CCDC93: variants seen among roughly 807,000 people sequenced by gnomAD.
CCDC93 encodes coiled-coil domain-containing protein 93.
Under a neutral mutation model 108.2 loss-of-function variants are expected in CCDC93, and 61 were observed. The ratio of observed to expected loss-of-function variants is 0.56; its 90% CI spans 0.46 to 0.70. The LOEUF (loss-of-function observed/expected upper bound fraction) is 0.70. Among genes scored for constraint, CCDC93 ranks in the 30% least tolerant of loss-of-function variants. The pLI, the probability that CCDC93 is intolerant of heterozygous loss-of-function variation, is 0.00. For missense variants in CCDC93, 685 were observed against 764.2 expected (o/e 0.90, Z 1.22); for synonymous variants, 276 against 260.4 (o/e 1.06, Z -0.58).
chr2:117,977,633 C>G (rs571169540), intron 8 of CCDC93, among the ~76,000 whole-genome samples: 1 of 152,218 alleles, frequency 6.6e-6, no homozygotes, highest in African/African-American at 2.4e-5. Flanking sequence ...CAGCTGTGCT[C>G]TACCTAACAT....
chr2:117,981,202 T>C (rs1024927266), intron 7 of CCDC93, among the ~76,000 whole-genome samples: 1 of 152,252 alleles, frequency 6.6e-6, no homozygotes, highest in African/African-American at 2.4e-5. Flanking sequence ...AATATTCATG[T>C]ACAGCTTCAT....
intron 22 of CCDC93, among the ~76,000 whole-genome samples, chr2:117,932,222 T>C (rs536852158): frequency 9.2e-5 from 14 of 152,226 alleles, no homozygotes; most frequent in Non-Finnish European, 1.8e-4. Context: ...ACCGGGTGCC[T>C]GACTCATGGC....
intron 12 of CCDC93, among the ~76,000 whole-genome samples, chr2:117,954,775 C>A (rs1007237417): frequency 6.6e-6 from 1 of 152,170 alleles, no homozygotes; most frequent in Non-Finnish European, 1.5e-5. Flanking sequence ...CCCCACGTGT[C>A]GTGGGAGGGA....
intron 11 of CCDC93, among the ~76,000 whole-genome samples, chr2:117,959,979 A>G (rs1007071387): frequency 6.6e-6 from 1 of 152,224 alleles, no homozygotes; most frequent in African/African-American, 2.4e-5. Context: ...ACTCTAAATC[A>G]CTTACAAAAA....
At chr2:117,945,818 T>C (rs1447203038) in intron 16 of CCDC93, among the ~76,000 whole-genome samples, 1 of 152,222 alleles carries the variant, frequency 6.6e-6, no homozygotes, top group Non-Finnish European at 1.5e-5. Context: ...GTAAACCGTA[T>C]AGCTCTTTTT....
chr2:117,925,165 A>G (rs985330930), intron 23 of CCDC93, among the ~76,000 whole-genome samples: 1 of 152,236 alleles, frequency 6.6e-6, no homozygotes, highest in African/African-American at 2.4e-5. Flanking sequence ...CACTGCAAAA[A>G]CATGCCAAAT....
rs1187155108 is a variant in CCDC93, at chr2:117,917,338, G to A, written c.*3005C>T. ...AGGTCCCGGGCATGGCACTTTGTGA[G>A]GTAGTAAAAGGACTGTCTGAAGGTC... is the stretch of plus-strand genomic sequence containing the variant. On this transcript the variant is annotated 3_prime_UTR_variant, in exon 24 of 24. Transcript: ENST00000376300. The A allele has an allele frequency of 6.6e-6, 1 of 152,660 alleles. No individual in the cohort carries two copies. Among genetic ancestry groups the A allele is most frequent in the Non-Finnish European group, 1.5e-5 (1 of 68,114 alleles). The allele number at this position is 152,660 out of a possible 1,614,324, so 9.5% of individuals were successfully genotyped here.
At chr2:117,961,347 A>G (rs1558784258) in intron 11 of CCDC93, among the ~76,000 whole-genome samples, 1 of 152,180 alleles carries the variant, frequency 6.6e-6, no homozygotes, top group Non-Finnish European at 1.5e-5. Context: ...ATTGGTAGGT[A>G]ATAATTCTTA....
intron 12 of CCDC93, among the ~76,000 whole-genome samples, chr2:117,957,928 C>G (rs1385374573): frequency 1.3e-5 from 2 of 150,918 alleles, no homozygotes; most frequent in Non-Finnish European, 2.9e-5. Context: ...GTGGTAACTT[C>G]TCATTAGAAG....
Position 117,973,772 on chromosome 2 carries a change from A to G in CCDC93, c.888+136T>C, listed in dbSNP as rs544820374. On this transcript the variant is annotated intron_variant, in intron 11 of 23. Transcript: ENST00000376300. Reference sequence around the variant, plus strand: ...TAGCCGGTTGTGCATGGTAAAGCCCAGTGTGTTTCTGACTAACGTGGCTGG... The same window carrying G: ...TAGCCGGTTGTGCATGGTAAAGCCCGGTGTGTTTCTGACTAACGTGGCTGG... 9 of 689,668 alleles carry G rather than the reference A, an allele frequency of 1.3e-5. No homozygotes were observed. In the African/African-American group the frequency reaches 1.4e-4, roughly 11 times the overall value. The allele number at this position is 689,668 out of a possible 1,614,324, so 42.7% of individuals were successfully genotyped here.
chr2:117,966,243 G>A lies in CCDC93; in HGVS notation c.888+7665C>T, dbSNP rs151054395. 3.5e-3 allele frequency among the ~76,000 whole-genome samples: 538 copies of A among 152,312 alleles called. 5 individuals carry two copies. The highest frequency in any genetic ancestry group is 0.012 in the African/African-American group (519 of 41,574). On this transcript the variant is annotated intron_variant, in intron 11 of 23. Transcript: ENST00000376300. ...CCCAACTCCTGGCAACAATGGGCCT[G>A]GGGAGAAATCTGTGACCTAAGCCAT...
At chr2:117,968,419 T>C (rs1021857776) in intron 11 of CCDC93, among the ~76,000 whole-genome samples, 1 of 152,198 alleles carries the variant, frequency 6.6e-6, no homozygotes. Context: ...GTACTTCTTG[T>C]AGCACATTCA....
At chr2:117,986,138 C>A in intron 6 of CCDC93, 69 bp from the exon 7 acceptor site, 5 of 790,234 alleles carry the variant, frequency 6.3e-6, no homozygotes, top group African/African-American at 1.8e-5. Flanking sequence ...TGCTGGATGC[C>A]TCCAGCCATG....
At chr2:118,004,714 G>C (rs974971206) in intron 3 of CCDC93, among the ~76,000 whole-genome samples, 11 of 152,174 alleles carry the variant, frequency 7.2e-5, no homozygotes, top group African/African-American at 2.4e-4. Context: ...ATGCACTGCT[G>C]ACTCTGGTGG....
chr2:118,005,665 G>A (rs1676845470), intron 3 of CCDC93, among the ~76,000 whole-genome samples: 1 of 151,154 alleles, frequency 6.6e-6, no homozygotes, highest in Non-Finnish European at 1.5e-5. Context: ...GCTGAGGTAA[G>A]AGGATCACTT....
chr2:117,950,549 C>A (rs1679018776), intron 13 of CCDC93: 1 of 985,434 alleles, frequency 1.0e-6, no homozygotes, highest in Non-Finnish European at 1.2e-6. Flanking sequence ...CAAGTCCTCT[C>A]TGCTTTTCAG....
chr2:117,958,373 G>GAT lies in CCDC93; in HGVS notation c.995_996dup (p.Leu333IlefsTer23). The GAT allele has an allele frequency of 6.3e-7, 1 of 1,592,250 alleles. No homozygotes were observed. The highest frequency in any genetic ancestry group is 8.6e-7 in the Non-Finnish European group (1 of 1,160,012). On this transcript the variant is annotated frameshift_variant, in exon 12 of 24. Coordinates refer to ENST00000376300, the MANE Select transcript of CCDC93 (RefSeq NM_019044.5). LOFTEE classifies it high-confidence loss of function. ...GAAAAGAAAACACTGACCTCTTCAA[G>GAT]ATGTTTGGTCTTTTGCGCAATCTGT... is the stretch of plus-strand genomic sequence containing the variant.
In CCDC93 at chr2:117,935,475, C is replaced by T; in HGVS notation, c.1728+20G>A. On this transcript the variant is annotated intron_variant, in intron 22 of 23. Transcript: ENST00000376300. ...CCACTATAAAACCTGGGCTGCATTA[C>T]AGAAAAGAAGCCATCTGACCTTCAT... 6.3e-7 allele frequency: 1 copy of T among 1,592,374 alleles called. No homozygotes were observed.
chr2:118,010,953 A>G (rs1677007341), intron 1 of CCDC93, among the ~76,000 whole-genome samples: 1 of 152,252 alleles, frequency 6.6e-6, no homozygotes, highest in African/African-American at 2.4e-5. Context: ...TGTACATATA[A>G]CTAAGTATCA....
Sources: gnomAD v4.1 joint callset for allele counts (sites outside exome capture counted in the v4.1 genomes callset) on GRCh38, gnomAD v4.1.1 for gene constraint, MANE v1.5 for transcripts, NCBI Gene and HGNC (gene_info 2026-07-23, HGNC 2026-07-21) for gene names.